Variants in SH3KBP1 observed in about 807,000 individuals in gnomAD.
SH3KBP1 encodes the protein SH3 domain containing kinase binding protein 1.
Under a neutral mutation model 50.1 loss-of-function variants are expected in SH3KBP1, and 8 were observed. The ratio of observed to expected loss-of-function variants is 0.16; its 90% CI spans 0.09 to 0.29. The LOEUF (loss-of-function observed/expected upper bound fraction) is 0.29. Among genes scored for constraint, SH3KBP1 ranks in the 10% least tolerant of loss-of-function variants. SH3KBP1 has a pLI of 1.00. For missense variants in SH3KBP1, 377 were observed against 535.2 expected, an observed-to-expected ratio of 0.70 and a Z score of 2.92; for synonymous variants, 227 against 218.6, an observed-to-expected ratio of 1.04 and a Z score of -0.34.
intron 6 of SH3KBP1, among the ~76,000 whole-genome samples, chrX:19,654,073 G>A (rs892171829): frequency 9.0e-6 from 1 of 111,460 alleles, no homozygotes; most frequent in Admixed American, 9.6e-5. Flanking sequence ...AACATATAGA[G>A]ATGAAGTCTG....
At chrX:19,738,359 G>T (rs964448653) in intron 3 of SH3KBP1, among the ~76,000 whole-genome samples, 1 of 110,990 alleles carries the variant, frequency 9.0e-6, no homozygotes, top group African/African-American at 3.3e-5. Flanking sequence ...TGCTGGGCTG[G>T]TTTCTATCTG....
At position 19,603,568 on chromosome X, in the gene SH3KBP1, C is replaced by G. The variant is rs751961118; in HGVS notation, c.1005+4370G>C. ...TCATTAGGGAAACGCCTATGGGAAT[C>G]TTAGCAATGCCATCATTCTTGACTT... On this transcript the variant is annotated intron_variant, in intron 9 of 17. Coordinates refer to ENST00000397821, the MANE Select transcript of SH3KBP1 (RefSeq NM_031892.3). 2.7e-5 allele frequency among the ~76,000 whole-genome samples: 3 copies of G among 112,798 alleles called. No homozygotes were observed. The South Asian group carries it at 1.1e-3, about 41-fold the overall frequency.
Position 19,620,694 on chromosome X carries a change from C to T in SH3KBP1, c.897+11170G>A, listed in dbSNP as rs139559575. The stretch of plus-strand genomic sequence containing the variant: ...ATTACAAGAGGTATTCCCAGGAAGA[C>T]TCAGAATGAAACCAAGGTCCTTCAA... On this transcript the variant is annotated intron_variant, in intron 8 of 17. Transcript: ENST00000397821. 5.3e-3 allele frequency among the ~76,000 whole-genome samples: 590 copies of T among 111,917 alleles called. 1 individual carries two copies. The highest frequency in any genetic ancestry group is 6.9e-3 in the African/African-American group (212 of 30,838).
chrX:19,570,978 C>T (rs769244968), intron 12 of SH3KBP1, among the ~76,000 whole-genome samples: 12 of 111,368 alleles, frequency 1.1e-4, no homozygotes, highest in African/African-American at 2.9e-4. Flanking sequence ...TGTTTGTGGG[C>T]GCATTTGGCA....
chrX:19,669,289 T>TCAACAA (rs2062718954), intron 6 of SH3KBP1, among the ~76,000 whole-genome samples: 1 of 103,741 alleles, frequency 9.6e-6, no homozygotes, highest in African/African-American at 3.6e-5. Context: ...ATTTATTTCT[T>TCAACAA]TGTATTCTTC....
chrX:19,556,457 A>G (rs1164242019), intron 13 of SH3KBP1, among the ~76,000 whole-genome samples: 4 of 111,320 alleles, frequency 3.6e-5, no homozygotes, highest in African/African-American at 1.3e-4. Flanking sequence ...CAGACTATCA[A>G]GATGGGCCCA....
At chrX:19,634,744 C>G (rs759280187) in intron 7 of SH3KBP1, among the ~76,000 whole-genome samples, 2 of 112,149 alleles carry the variant, frequency 1.8e-5, no homozygotes, top group Non-Finnish European at 3.8e-5. Context: ...CACACTACAA[C>G]TCTGGATGAC....
chrX:19,854,579 T>G (rs1251040757), intron 1 of SH3KBP1, among the ~76,000 whole-genome samples: 4 of 112,012 alleles, frequency 3.6e-5, no homozygotes, highest in Non-Finnish European at 7.5e-5. Context: ...GTGTTGCCTT[T>G]GAAAGATATT....
intron 5 of SH3KBP1, among the ~76,000 whole-genome samples, chrX:19,692,213 C>T (rs747647559): frequency 6.3e-5 from 7 of 111,289 alleles, no homozygotes; most frequent in Non-Finnish European, 1.3e-4. Context: ...GCAATTCTTT[C>T]CTTGATAGAC....
chrX:19,820,058 T>C (rs972699708), intron 2 of SH3KBP1, among the ~76,000 whole-genome samples: 1 of 112,156 alleles, frequency 8.9e-6, no homozygotes, highest in Non-Finnish European at 1.9e-5. Flanking sequence ...TAATTACTTA[T>C]GGTCAAAGAA....
chrX:19,552,962 C>T, intron 13 of SH3KBP1, among the ~76,000 whole-genome samples: 1 of 110,887 alleles, frequency 9.0e-6, no homozygotes, highest in Non-Finnish European at 1.9e-5. Context: ...CCTGCCTGGG[C>T]TCTCTAACAG....
At chrX:19,646,708 C>T (rs768693616) in intron 6 of SH3KBP1, among the ~76,000 whole-genome samples, 1 of 112,329 alleles carries the variant, frequency 8.9e-6, no homozygotes, top group East Asian at 2.8e-4. Flanking sequence ...AACGTTGAAC[C>T]CAACATTAAA....
intron 7 of SH3KBP1, among the ~76,000 whole-genome samples, chrX:19,634,112 G>C (rs1292360273): frequency 9.6e-6 from 1 of 104,384 alleles, no homozygotes; most frequent in African/African-American, 3.5e-5. Context: ...GGGAAAGAAA[G>C]AGAGAGAGAC....
At chrX:19,689,366 C>G (rs2063234478) in intron 5 of SH3KBP1, among the ~76,000 whole-genome samples, 1 of 111,893 alleles carries the variant, frequency 8.9e-6, no homozygotes, top group South Asian at 3.8e-4. Flanking sequence ...GCAGTCCTCT[C>G]AAGTGTCAGA....
intron 5 of SH3KBP1, 74 bp from the exon 6 acceptor site, chrX:19,684,102 G>T: frequency 1.2e-6 from 1 of 836,003 alleles, no homozygotes; most frequent in Non-Finnish European, 1.8e-6. Context: ...TTCACAACCA[G>T]CCAGGAACCA....
intron 6 of SH3KBP1, chrX:19,683,263 A>G: frequency 2.8e-6 from 1 of 353,453 alleles, no homozygotes; most frequent in South Asian, 2.5e-5. Context: ...GCAGAAGGAA[A>G]CAGCCAGCTT....
intron 3 of SH3KBP1, among the ~76,000 whole-genome samples, chrX:19,716,086 C>T (rs1222993445): frequency 8.9e-6 from 1 of 112,066 alleles, no homozygotes; most frequent in Non-Finnish European, 1.9e-5. Flanking sequence ...TATAGATTCA[C>T]ACATTTTTTA....
intron 1 of SH3KBP1, among the ~76,000 whole-genome samples, chrX:19,853,073 G>A (rs1049201273): frequency 2.7e-5 from 3 of 112,677 alleles, no homozygotes; most frequent in African/African-American, 9.7e-5. Flanking sequence ...AGGAGAGAAA[G>A]TCTGGAATAA....
chrX:19,837,776 GAATGAATGAATGGCA>G (rs2068099617), intron 1 of SH3KBP1, among the ~76,000 whole-genome samples: 1 of 110,780 alleles, frequency 9.0e-6, no homozygotes, highest in African/African-American at 3.3e-5. Context: ...CCGTATGAAT[GAATGAATGAATGGCA>G]AATGAATGAA....
Sources: allele counts gnomAD v4.1 joint callset (sites outside exome capture counted in the v4.1 genomes callset), GRCh38; gene constraint gnomAD v4.1.1; transcripts MANE v1.5; gene names NCBI Gene and HGNC (gene_info 2026-07-23, HGNC 2026-07-21).